BACE1: variants seen among roughly 807,000 people sequenced by gnomAD.
BACE1 encodes the protein APP beta-secretase.
In BACE1, 21 loss-of-function variants were observed where a neutral mutation model predicts 54.0. The observed-to-expected ratio is 0.39, with a 90% CI of 0.28 to 0.56. The LOEUF (loss-of-function observed/expected upper bound fraction) is 0.56, where lower values mean the gene tolerates loss of function less well. Among genes scored for constraint, BACE1 ranks in the 20% least tolerant of loss-of-function variants. BACE1 has a pLI of 0.63. For synonymous variants in BACE1, 232 were observed against 260.9 expected (o/e 0.89, Z 1.07); for missense variants, 511 against 661.2 (o/e 0.77, Z 2.49).
Position 117,293,910 on chromosome 11 carries a change from G to A in BACE1, c.666C>T (p.Leu222=). 6.2e-7 allele frequency: 1 copy of A among 1,614,058 alleles called. No individual in the cohort carries two copies. Among genetic ancestry groups the A allele is most frequent in the Non-Finnish European group, 8.5e-7 (1 of 1,179,986 alleles). Residue 222 remains leucine, a synonymous_variant, in exon 4 of 9, where the codon CTC becomes CTT. Coordinates refer to ENST00000313005, the MANE Select transcript of BACE1 (RefSeq NM_012104.6). The surrounding 1 kb of genome is among the most constrained non-coding windows in gnomAD (Gnocchi z 4.1). ...CAGAGGCCAGCACTTCAGACTGGTT[G>A]AGGGGGAAGCCAGCACCACAAAGCT... ...SLQLCGAGFP[L]NQSEVLASVG...
chr11:117,309,943 C>T (rs969474655), intron 1 of BACE1, among the ~76,000 whole-genome samples: 1 of 152,168 alleles, frequency 6.6e-6, no homozygotes, highest in Non-Finnish European at 1.5e-5. Context: ...GGGTCTCACT[C>T]TGTCACCCAG....
chr11:117,290,906 A>G lies in BACE1; in HGVS notation c.1086T>C (p.Leu362=), dbSNP rs550709603. ...VTNQSFRITI[L]PQQYLRPVED... Reference sequence around the variant, plus strand: ...GACTCAGGCTGGGACATACCTGCGGAAGGATGGTGATGCGGAAGGACTGGT... The same window carrying G: ...GACTCAGGCTGGGACATACCTGCGGGAGGATGGTGATGCGGAAGGACTGGT... Residue 362 remains leucine (L), a synonymous_variant, in exon 7 of 9, where the codon CTT becomes CTC. Coordinates refer to ENST00000313005, the MANE Select transcript of BACE1 (RefSeq NM_012104.6). The G allele has an allele frequency of 6.2e-7, 1 of 1,613,930 alleles. No homozygotes were observed. The highest frequency in any genetic ancestry group is 8.5e-7 in the Non-Finnish European group (1 of 1,179,978).
chr11:117,299,793 C>G (rs2034682122), intron 1 of BACE1: 2 of 283,158 alleles, frequency 7.1e-6, no homozygotes, highest in African/African-American at 2.3e-5. Flanking sequence ...TTCACCCACC[C>G]TCTCCCCACG....
Position 117,288,092 on chromosome 11 carries a change from TG to T in BACE1, c.*1473del, listed in dbSNP as rs1196119489. On this transcript the variant is annotated 3_prime_UTR_variant, in exon 9 of 9. Transcript: ENST00000313005. ...CCACTACCTAGCCCAAGAACCAGCC[TG>T]GGTACCCACGTACCATTAGGAGCGG... The T allele has an allele frequency of 6.6e-6, 1 of 152,630 alleles. No individual in the cohort carries two copies. The allele number at this position is 152,630 out of a possible 1,614,324, so 9.5% of individuals were successfully genotyped here.
At chr11:117,297,746 G>A (rs1012489838) in intron 1 of BACE1, among the ~76,000 whole-genome samples, 1 of 152,222 alleles carries the variant, frequency 6.6e-6, no homozygotes, top group Non-Finnish European at 1.5e-5. Context: ...AGAGAAAACA[G>A]GTGATGTATG....
Position 117,289,501 on chromosome 11 carries a change from T to C in BACE1, c.*65A>G. 1 of 1,573,096 alleles carries C rather than the reference T, an allele frequency of 6.4e-7. No homozygotes were observed. The highest frequency in any genetic ancestry group is 1.2e-5 in the South Asian group (1 of 84,086). The stretch of plus-strand genomic sequence containing the variant: ...ACAGGTGCCATCTGTGTCTCCTACT[T>C]GTGACCAAAGTGAACCACGGAGGTG... On this transcript the variant is annotated 3_prime_UTR_variant, in exon 9 of 9. Coordinates refer to ENST00000313005, the MANE Select transcript of BACE1 (RefSeq NM_012104.6).
chr11:117,293,694 G>C lies in BACE1; in HGVS notation c.705+177C>G, dbSNP rs1474555033. ...ACCATAGGTGCCTTGATTCCTTTCTGGAATAACGCAAAAAAGAAAAGAATG... is the reference window on the plus strand; with the variant it reads ...ACCATAGGTGCCTTGATTCCTTTCTCGAATAACGCAAAAAAGAAAAGAATG... On this transcript the variant is annotated intron_variant, in intron 4 of 8. Transcript: ENST00000313005. This position sits in a 1 kb window ranked among gnomAD's most constrained non-coding sequence, Gnocchi z 4.1. 9.7e-6 allele frequency: 6 copies of C among 618,360 alleles called. No individual in the cohort carries two copies. The highest frequency in any genetic ancestry group is 1.4e-5 in the Non-Finnish European group (6 of 423,400). 38.3% of individuals were successfully genotyped at this position (618,360 alleles called of 1,614,324 possible). A position where few individuals can be genotyped will look rare whatever the true frequency, so the allele number is the denominator to read the frequency against.
At position 117,293,457 on chromosome 11, in the gene BACE1, CAATA is replaced by C; in HGVS notation, c.706-273_706-270del. 3.1e-6 allele frequency: 1 copy of C among 325,026 alleles called. No homozygotes were observed. Among genetic ancestry groups the C allele is most frequent in the Non-Finnish European group, 5.5e-6 (1 of 181,972 alleles). The allele number at this position is 325,026 out of a possible 1,614,324, so 20.1% of individuals were successfully genotyped here. ...AAAGTTATTTAAATCTAAACTGCCA[CAATA>C]AATGTTGAATGAATGGTTATTTGTT... On this transcript the variant is annotated intron_variant, in intron 4 of 8. Transcript: ENST00000313005. This position sits in a 1 kb window ranked among gnomAD's most constrained non-coding sequence, Gnocchi z 4.1.
intron 1 of BACE1, chr11:117,299,802 C>T (rs767735361): frequency 2.9e-5 from 8 of 278,130 alleles, no homozygotes; most frequent in Middle Eastern, 4.1e-4. Context: ...CCTCTCCCCA[C>T]GAACCCTCTT....
At chr11:117,306,101 T>C (rs1311755860) in intron 1 of BACE1, among the ~76,000 whole-genome samples, 1 of 152,170 alleles carries the variant, frequency 6.6e-6, no homozygotes, top group African/African-American at 2.4e-5. Flanking sequence ...TTTCCAATTG[T>C]ATGCAGGATC....
Position 117,309,118 on chromosome 11 carries a change from G to A in BACE1, c.261+6417C>T, listed in dbSNP as rs2034893539. Among the ~76,000 whole-genome samples the A allele has an allele frequency of 2.0e-5, 3 of 152,042 alleles. No individual in the cohort carries two copies. In the South Asian group the frequency reaches 6.2e-4, roughly 31 times the overall value. ...CGCAGAGAATAACTGGTTAAACGAT[G>A]GATGAATGCTGATTCCTCCTTTCTA... is the stretch of plus-strand genomic sequence containing the variant. On this transcript the variant is annotated intron_variant, in intron 1 of 8. Transcript: ENST00000313005.
At chr11:117,314,369 A>AT (rs1424082704) in intron 1 of BACE1, among the ~76,000 whole-genome samples, 1 of 152,130 alleles carries the variant, frequency 6.6e-6, no homozygotes, top group Non-Finnish European at 1.5e-5. Flanking sequence ...GCACGCACCT[A>AT]GGAAGGCTGG....
At position 117,295,352 on chromosome 11, in the gene BACE1, G is replaced by C; in HGVS notation, c.351-5C>G. 1 of 1,610,340 alleles carries C rather than the reference G, an allele frequency of 6.2e-7. No individual in the cohort carries two copies. Among genetic ancestry groups the C allele is most frequent in the Non-Finnish European group, 8.5e-7 (1 of 1,176,846 alleles). Reference sequence around the variant, plus strand: ...AGGTCCCGGTATGTGCTGGACCTGTGGAAAGAAGGCAGAGATCTGTGGATG... The same window carrying C: ...AGGTCCCGGTATGTGCTGGACCTGTCGAAAGAAGGCAGAGATCTGTGGATG... On this transcript the variant is annotated splice_region_variant and splice_polypyrimidine_tract_variant and intron_variant, in intron 2 of 8. Coordinates refer to ENST00000313005, the MANE Select transcript of BACE1 (RefSeq NM_012104.6).
In BACE1 at chr11:117,286,280, C is replaced by A. The variant is rs895048847; in HGVS notation, c.*3286G>T. The A allele has an allele frequency of 1.3e-5, 2 of 152,262 alleles. No individual in the cohort carries two copies. The highest frequency in any genetic ancestry group is 1.3e-4 in the Admixed American group (2 of 15,276). The allele number at this position is 152,262 out of a possible 1,614,324, so 9.4% of individuals were successfully genotyped here. ...AATCACTTGCTCTGTGGGTAGCTAT[C>A]AGGAACTAGATCATTTTCCACCTCT... On this transcript the variant is annotated 3_prime_UTR_variant, in exon 9 of 9. Coordinates refer to ENST00000313005, the MANE Select transcript of BACE1 (RefSeq NM_012104.6).
chr11:117,302,353 C>CAA (rs2134475468), intron 1 of BACE1, among the ~76,000 whole-genome samples: 1 of 152,124 alleles, frequency 6.6e-6, no homozygotes, highest in South Asian at 2.1e-4. Flanking sequence ...CAAAACAAAA[C>CAA]AAAACAAAAC....
rs1178816292 is a variant in BACE1 at position 117,286,795 on chromosome 11, A to G, written c.*2771T>C. On this transcript the variant is annotated 3_prime_UTR_variant, in exon 9 of 9. Transcript: ENST00000313005. ...GTAGGGTGATTGGAGTGGCCTGAGTACTCAGCTCTTCAGAGGTCAGGTGAC... is the reference window on the plus strand; with the variant it reads ...GTAGGGTGATTGGAGTGGCCTGAGTGCTCAGCTCTTCAGAGGTCAGGTGAC... The G allele has an allele frequency of 6.6e-6, 1 of 152,548 alleles. No homozygotes were observed. The highest frequency in any genetic ancestry group is 2.4e-5 in the African/African-American group (1 of 41,412). The allele number at this position is 152,548 out of a possible 1,614,324, so 9.4% of individuals were successfully genotyped here.
intron 5 of BACE1, 47 bp from the exon 6 acceptor site, chr11:117,291,860 C>G: frequency 7.0e-7 from 1 of 1,437,632 alleles, no homozygotes; most frequent in Non-Finnish European, 9.8e-7. Context: ...GTTTTTGATG[C>G]TGGGCTCTGG....
chr11:117,315,666 G>A lies in BACE1; in HGVS notation c.130C>T (p.Pro44Ser). 1.3e-6 allele frequency: 2 copies of A among 1,549,158 alleles called. No homozygotes were observed. Among genetic ancestry groups the A allele is most frequent in the South Asian group, 1.2e-5 (1 of 83,938 alleles). Residue 44 changes from proline to serine, a missense_variant, in exon 1 of 9, where the codon CCC (proline) becomes TCC (serine). This residue lies in a region of BACE1 where 104 missense variants were observed against 95.5 expected (regional missense o/e 1.09). Coordinates refer to ENST00000313005, the MANE Select transcript of BACE1 (RefSeq NM_012104.6). This position sits in a 1 kb window ranked among gnomAD's most constrained non-coding sequence, Gnocchi z 5.5. ...TCGGGCTCTTCGTCGGTCTCCCGGG[G>A]CAGCCGCAGCCCCAGGGGGGCGCCC... is the stretch of plus-strand genomic sequence containing the variant. ...LGGAPLGLRL[P>S]RETDEEPEEP...
At position 117,293,203 on chromosome 11, in the gene BACE1, A is replaced by G; in HGVS notation, c.706-15T>C. On this transcript the variant is annotated splice_polypyrimidine_tract_variant and intron_variant, in intron 4 of 8. Coordinates refer to ENST00000313005, the MANE Select transcript of BACE1 (RefSeq NM_012104.6). The surrounding 1 kb of genome is among the most constrained non-coding windows in gnomAD (Gnocchi z 4.1). ...CCTCCAATGATCTAGGGAAAAAAAG[A>G]GGCAGGTACCCGTGTCCTGGCACAG... 6.2e-7 allele frequency: 1 copy of G among 1,612,870 alleles called. No homozygotes were observed. Among genetic ancestry groups the G allele is most frequent in the Non-Finnish European group, 8.5e-7 (1 of 1,179,550 alleles).
Sources: gnomAD v4.1 joint callset for allele counts (sites outside exome capture counted in the v4.1 genomes callset) on GRCh38, gnomAD v4.1.1 for gene constraint, gnomAD v4.1.1 regional missense constraint, Gnocchi (gnomAD v3.1) non-coding constraint, MANE v1.5 for transcripts, NCBI Gene and HGNC (gene_info 2026-07-23, HGNC 2026-07-21) for gene names.